SYCP2: variants seen among roughly 807,000 people sequenced by gnomAD.
SYCP2 encodes the protein synaptonemal complex lateral element protein.
Under a neutral mutation model 211.3 loss-of-function variants are expected in SYCP2, and 55 were observed. The observed-to-expected ratio is 0.26, with a 90% CI of 0.21 to 0.33. The LOEUF (loss-of-function observed/expected upper bound fraction) is 0.33. Among genes scored for constraint, SYCP2 ranks in the 10% least tolerant of loss-of-function variants. SYCP2 has a pLI of 1.00. For synonymous variants in SYCP2, 570 were observed against 555.2 expected (o/e 1.03, Z -0.37); for missense variants, 1,731 against 1,752.0 (o/e 0.99, Z 0.21).
At chr20:59,932,236 C>G (rs566226549) in intron 1 of SYCP2, 82 bp from the exon 2 acceptor site, 1 of 152,162 alleles carries the variant, frequency 6.6e-6, no homozygotes, top group East Asian at 1.9e-4. Flanking sequence ...AGATTTTCCC[C>G]CAAAGGAAAA....
At chr20:59,908,043 G>A (rs2060244248) in intron 14 of SYCP2, among the ~76,000 whole-genome samples, 1 of 152,112 alleles carries the variant, frequency 6.6e-6, no homozygotes. Flanking sequence ...TCAGGAGATG[G>A]AGAACATCCT....
intron 44 of SYCP2, 32 bp from the exon 45 acceptor site, chr20:59,864,420 A>AT: frequency 6.9e-7 from 1 of 1,454,394 alleles, no homozygotes. Context: ...TCACACTTAG[A>AT]TTTCACATTT....
chr20:59,896,128 G>A (rs1429139263), intron 19 of SYCP2, among the ~76,000 whole-genome samples: 1 of 152,008 alleles, frequency 6.6e-6, no homozygotes, highest in African/African-American at 2.4e-5. Flanking sequence ...GTACACAGCT[G>A]GAAGTGGGGA....
chr20:59,878,631 A>G (rs1390292854), intron 31 of SYCP2, among the ~76,000 whole-genome samples: 1 of 152,094 alleles, frequency 6.6e-6, no homozygotes, highest in Non-Finnish European at 1.5e-5. Context: ...CTGTCCTGAA[A>G]TCTGCAGGTC....
chr20:59,879,076 T>C (rs1049539883), intron 31 of SYCP2, among the ~76,000 whole-genome samples: 3 of 152,132 alleles, frequency 2.0e-5, no homozygotes, highest in African/African-American at 7.2e-5. Context: ...TCTAATCTTC[T>C]ACTTTATGTT....
intron 26 of SYCP2, among the ~76,000 whole-genome samples, chr20:59,883,522 G>A (rs1448817842): frequency 6.6e-6 from 1 of 151,978 alleles, no homozygotes; most frequent in African/African-American, 2.4e-5. Flanking sequence ...CTTAAAAATA[G>A]TATATCCTGA....
At chr20:59,864,415 CT>C in intron 44 of SYCP2, 27 bp from the exon 45 acceptor site, 1 of 1,480,030 alleles carries the variant, frequency 6.8e-7, no homozygotes, top group Non-Finnish European at 9.2e-7. Flanking sequence ...AAAAATCACA[CT>C]TAGATTTCAC....
chr20:59,915,424 T>C (rs371458910), intron 9 of SYCP2, 41 bp downstream of exon 9: 4 of 1,330,824 alleles, frequency 3.0e-6, no homozygotes, highest in Non-Finnish European at 3.2e-6. Context: ...AACATTCTTA[T>C]GGATTTTAAG....
Position 59,886,781 on chromosome 20 carries a change from G to A in SYCP2, c.2418C>T (p.Ser806=), listed in dbSNP as rs908588404. 2 of 1,586,614 alleles carry A rather than the reference G, an allele frequency of 1.3e-6. No homozygotes were observed. The highest frequency in any genetic ancestry group is 3.7e-5 in the Admixed American group (2 of 54,388). The change falls in exon 25 of 45, where the codon AGC becomes AGT. Residue 806 remains serine, a synonymous_variant. Coordinates refer to ENST00000357552, the MANE Select transcript of SYCP2 (RefSeq NM_014258.4). ...TTGTTTTGTATCTTTTATTGATTTG[G>A]CTTATCAAGGATTCTGCTACATTGG... is the stretch of plus-strand genomic sequence containing the variant. The part of the protein sequence containing the change: ...EFTNVAESLI[S]QINKRYKTKD...
chr20:59,918,860 C>T (rs1275579463), intron 7 of SYCP2, among the ~76,000 whole-genome samples: 1 of 152,022 alleles, frequency 6.6e-6, no homozygotes, highest in East Asian at 1.9e-4. Flanking sequence ...ATTAGTAGAC[C>T]TATATTACAA....
At chr20:59,902,487 T>C (rs1813339937) in intron 15 of SYCP2, among the ~76,000 whole-genome samples, 1 of 152,154 alleles carries the variant, frequency 6.6e-6, no homozygotes, top group Non-Finnish European at 1.5e-5. Context: ...GCAGGAATTC[T>C]ATTGCTGAAT....
At chr20:59,911,572 A>C (rs961604954) in intron 14 of SYCP2, among the ~76,000 whole-genome samples, 178 bp downstream of exon 14, 1 of 147,368 alleles carries the variant, frequency 6.8e-6, no homozygotes, top group African/African-American at 2.7e-5. Flanking sequence ...AAACATCAGA[A>C]GTAGTTTTCA....
Position 59,915,454 on chromosome 20 carries a change from C to CA in SYCP2, c.599+10dup. 1 of 1,536,308 alleles carries CA rather than the reference C, an allele frequency of 6.5e-7. No individual in the cohort carries two copies. The highest frequency in any genetic ancestry group is 9.0e-7 in the Non-Finnish European group (1 of 1,111,608). On this transcript the variant is annotated intron_variant, in intron 9 of 44. Transcript: ENST00000357552. ...TTTAAGAATAAAAACCATATAAGTA[C>CA]AGATTATTACATGAGAATTAACATT...
At position 59,921,331 on chromosome 20, in the gene SYCP2, C is replaced by T. The variant is rs748470423; in HGVS notation, c.147G>A (p.Lys49=). The T allele has an allele frequency of 6.2e-7, 1 of 1,605,014 alleles. No homozygotes were observed. Among genetic ancestry groups the T allele is most frequent in the Non-Finnish European group, 8.5e-7 (1 of 1,175,042 alleles). The change falls in exon 4 of 45, where the codon AAG becomes AAA. Residue 49 remains lysine, a synonymous_variant. Coordinates refer to ENST00000357552, the MANE Select transcript of SYCP2 (RefSeq NM_014258.4). Reference sequence around the variant, plus strand: ...TTACCCTGCATATAAGGTTGTCCACCTTGTGGAAAAACTGTTTGCTGCATT... The same window carrying T: ...TTACCCTGCATATAAGGTTGTCCACTTTGTGGAAAAACTGTTTGCTGCATT... ...KIKCSKQFFH[K]VDNLICRELN... is the part of the protein sequence containing the mutation.
chr20:59,878,968 T>A (rs568003197), intron 31 of SYCP2, among the ~76,000 whole-genome samples: 1 of 152,254 alleles, frequency 6.6e-6, no homozygotes, highest in South Asian at 2.1e-4. Flanking sequence ...AGTTATTCAA[T>A]AATTTAAACA....
intron 12 of SYCP2, among the ~76,000 whole-genome samples, chr20:59,913,109 TAAA>T (rs1336648911): frequency 1.3e-5 from 2 of 152,220 alleles, no homozygotes; most frequent in African/African-American, 4.8e-5. Flanking sequence ...CCATAGAACT[TAAA>T]TAAGAATACA....
At chr20:59,933,534 G>C (rs971132996) in intron 1 of SYCP2, 35 bp downstream of exon 1, 1 of 152,078 alleles carries the variant, frequency 6.6e-6, no homozygotes, top group Admixed American at 6.6e-5. Context: ...GCCCCGCCGT[G>C]GGGGAAGCCC....
chr20:59,872,372 A>G (rs2059468891), intron 35 of SYCP2, among the ~76,000 whole-genome samples: 1 of 151,994 alleles, frequency 6.6e-6, no homozygotes, highest in Non-Finnish European at 1.5e-5. Context: ...TAGTCAAGTA[A>G]TAGCCATCTC....
chr20:59,928,687 T>C (rs934682797), intron 2 of SYCP2, among the ~76,000 whole-genome samples: 2 of 152,150 alleles, frequency 1.3e-5, no homozygotes, highest in Non-Finnish European at 2.9e-5. Flanking sequence ...AAGTTCATAT[T>C]TGAGTCAGAT....
Sources: gnomAD v4.1 joint callset for allele counts (sites outside exome capture counted in the v4.1 genomes callset) on GRCh38, gnomAD v4.1.1 for gene constraint, MANE v1.5 for transcripts, NCBI Gene and HGNC (gene_info 2026-07-23, HGNC 2026-07-21) for gene names.